Variants in COL5A3 observed in about 807,000 individuals in gnomAD.
COL5A3 encodes the protein collagen alpha-3(V) chain.
Under a neutral mutation model 250.0 loss-of-function variants are expected in COL5A3, and 172 were observed. The ratio of observed to expected loss-of-function variants is 0.69; its 90% confidence interval spans 0.61 to 0.78. The LOEUF (loss-of-function observed/expected upper bound fraction) is 0.78. Ranked by LOEUF, COL5A3 falls within the 30% of genes least tolerant of loss-of-function variation. The probability of loss-of-function intolerance (pLI) is 0.00; values close to 1 mark genes in which losing one functional copy is unlikely to be tolerated. For synonymous variants in COL5A3, 937 were observed against 900.4 expected (o/e 1.04, Z -0.73); for missense variants, 2,340 against 2,334.4 (o/e 1.00, Z -0.05).
At chr19:9,988,849 A>AG (rs1555738964) in intron 27 of COL5A3, among the ~76,000 whole-genome samples, 1 of 74,594 alleles carries the variant, frequency 1.3e-5, no homozygotes, top group African/African-American at 7.3e-5. Context: ...AAAAAAAAAA[A>AG]AAAAAAAAAG....
Position 9,969,602 on chromosome 19 carries a change from C to T in COL5A3, c.4071G>A (p.Glu1357=), listed in dbSNP as rs1446862713. The T allele has an allele frequency of 1.2e-6, 2 of 1,607,994 alleles. No individual in the cohort carries two copies. The highest frequency in any genetic ancestry group is 1.7e-6 in the Non-Finnish European group (2 of 1,178,356). The stretch of plus-strand genomic sequence containing the variant: ...CAGGGCCAGGGATCCCTCGAAGACC[C>T]TCAGGCCCCACACGTCCAGGGGGCC... ...ARGPPGRVGP[E]GLRGIPGPVG... The change falls in exon 56 of 67, where the codon GAG becomes GAA. Residue 1357 remains glutamate, a synonymous_variant. Transcript: ENST00000264828.
chr19:9,973,706 G>A (rs2086883626), intron 49 of COL5A3, 50 bp downstream of exon 49: 1 of 1,613,044 alleles, frequency 6.2e-7, no homozygotes, highest in Middle Eastern at 1.6e-4. Flanking sequence ...TGCCCAATAG[G>A]ACTAGATTTA....
chr19:9,975,133 G>T (rs540110001), intron 45 of COL5A3, among the ~76,000 whole-genome samples: 1 of 151,512 alleles, frequency 6.6e-6, no homozygotes, highest in African/African-American at 2.4e-5. Context: ...GGAGTGCAGT[G>T]GTGCTATCTT....
chr19:9,985,887 A>C lies in COL5A3; in HGVS notation c.2361T>G (p.Leu787=). Residue 787 remains leucine, a synonymous_variant, in exon 31 of 67, where the codon CTT becomes CTG. Coordinates refer to ENST00000264828, the MANE Select transcript of COL5A3 (RefSeq NM_015719.4). ...PPGSAGEKGK[L]GVPGLPGYPG... is the part of the protein sequence containing the mutation. ...GATAACCTGGGAGGCCTGGCACCCC[A>C]AGCTTGCCCTGCAGAAAGGTTATGG... 1 of 1,613,936 alleles carries C rather than the reference A, an allele frequency of 6.2e-7. No individual in the cohort carries two copies. The highest frequency in any genetic ancestry group is 1.3e-5 in the African/African-American group (1 of 74,994).
In COL5A3 at chr19:10,005,541, C is replaced by T; in HGVS notation, c.594+17G>A. The T allele has an allele frequency of 6.2e-7, 1 of 1,613,028 alleles. No homozygotes were observed. Among genetic ancestry groups the T allele is most frequent in the Non-Finnish European group, 8.5e-7 (1 of 1,179,016 alleles). On this transcript the variant is annotated intron_variant, in intron 4 of 66. Transcript: ENST00000264828. ...TCCCACCCTCTGCCTCAGTTTCCCC[C>T]ATCACTGAACTCCTACCTCGAAAGT...
chr19:9,967,468 AACACACACACACACTCAC>A lies in COL5A3; in HGVS notation c.4405-86_4405-69del, dbSNP rs1396141147. The A allele has an allele frequency of 4.0e-6, 4 of 997,966 alleles. No individual in the cohort carries two copies. In the East Asian group the frequency reaches 1.3e-4, roughly 33 times the overall value. 61.8% of individuals were successfully genotyped at this position (997,966 alleles called of 1,614,324 possible). A position where few individuals can be genotyped will look rare whatever the true frequency, so the allele number is the denominator to read the frequency against. ...GACCCTTCCCACCAACATACACACA[AACACACACACACACTCAC>A]ACACACACTCACACACACACAGTCT... On this transcript the variant is annotated intron_variant, in intron 61 of 66. Coordinates refer to ENST00000264828, the MANE Select transcript of COL5A3 (RefSeq NM_015719.4).
intron 8 of COL5A3, among the ~76,000 whole-genome samples, chr19:9,998,621 G>A (rs188080874): frequency 8.5e-5 from 13 of 152,058 alleles, no homozygotes; most frequent in Admixed American, 7.2e-4. Flanking sequence ...GTGTCTATGC[G>A]CCTCCCCTGT....
intron 54 of COL5A3, among the ~76,000 whole-genome samples, chr19:9,970,348 T>A (rs1398062940): frequency 1.7e-3 from 81 of 47,668 alleles, no homozygotes; most frequent in African/African-American, 2.2e-3. Context: ...GTGAGTGTGT[T>A]CTGTGGCTGA....
chr19:10,003,757 A>T, intron 5 of COL5A3, 43 bp from the exon 6 acceptor site: 1 of 1,609,630 alleles, frequency 6.2e-7, no homozygotes, highest in Non-Finnish European at 8.5e-7. Flanking sequence ...TCCCACCAGC[A>T]GAGACCCCAT....
intron 31 of COL5A3, among the ~76,000 whole-genome samples, chr19:9,985,542 G>A (rs1161536951): frequency 6.6e-6 from 1 of 152,080 alleles, no homozygotes; most frequent in African/African-American, 2.4e-5. Flanking sequence ...TTACAGCCAT[G>A]AGCCACTGCG....
chr19:9,967,422 A>G, intron 61 of COL5A3, 22 bp from the exon 62 acceptor site: 1 of 1,498,216 alleles, frequency 6.7e-7, no homozygotes, highest in East Asian at 2.7e-5. Context: ...AGTCACTTGG[A>G]GAATGAACCC....
At position 10,009,161 on chromosome 19, in the gene COL5A3, G is replaced by GGTGTGTGTGT. The variant is rs4044577; in HGVS notation, c.88+1127_88+1136dup. Among the ~76,000 whole-genome samples, 30 of 140,434 alleles carry GGTGTGTGTGT rather than the reference G, an allele frequency of 2.1e-4. No homozygotes were observed. Among genetic ancestry groups the GGTGTGTGTGT allele is most frequent in the East Asian group, 8.5e-4 (4 of 4,730 alleles). The allele number at this position is 140,434 out of a possible 152,430, so 92.1% of individuals were successfully genotyped here. A position where few individuals can be genotyped will look rare whatever the true frequency, so the allele number is the denominator to read the frequency against. On this transcript the variant is annotated intron_variant, in intron 1 of 66. Transcript: ENST00000264828. This position sits in a 1 kb window ranked among gnomAD's most constrained non-coding sequence, Gnocchi z 4.4. ...GACTCCAAAGTAAGAAGTGTGCTGT[G>GGTGTGTGTGT]GTGTGTGTGTGTGTGTGTGTGTGTG...
In COL5A3 at chr19:10,005,801, A is replaced by G. The variant is rs747133676; in HGVS notation, c.432T>C (p.Asp144=). The G allele has an allele frequency of 4.3e-6, 7 of 1,610,038 alleles. No homozygotes were observed. Among genetic ancestry groups the G allele is most frequent in the Admixed American group, 1.7e-5 (1 of 59,740 alleles). The change falls in exon 3 of 67, where the codon GAT becomes GAC. Residue 144 remains aspartate (D), a synonymous_variant. Transcript: ENST00000264828. ...RPLPQQVNLT[D]GRWHRVAVSI... Reference sequence around the variant, plus strand: ...CCCACTCTCCCCATGCTCACCTGCCATCTGTGAGGTTGACCTGCTGGGGGA... The same window carrying G: ...CCCACTCTCCCCATGCTCACCTGCCGTCTGTGAGGTTGACCTGCTGGGGGA...
chr19:9,966,736 G>T lies in COL5A3; in HGVS notation c.4469C>A (p.Ala1490Asp). ...AGPPGPPGAPAELHGLRRRRR... is the reference protein window; with the variant it reads ...AGPPGPPGAPDELHGLRRRRR... ...GCGCCTGCGCAGCCCATGCAGCTCG[G>T]CAGGGGCACCCTGGGCGTAGGGGAT... Residue 1490 changes from alanine (A) to aspartate (D), a missense_variant, in exon 63 of 67, where the codon GCC becomes GAC. Coordinates refer to ENST00000264828, the MANE Select transcript of COL5A3 (RefSeq NM_015719.4). 6.5e-7 allele frequency: 1 copy of T among 1,535,214 alleles called. No homozygotes were observed. Among genetic ancestry groups the T allele is most frequent in the Non-Finnish European group, 8.7e-7 (1 of 1,146,106 alleles).
chr19:10,005,265 G>A (rs1294050779), intron 4 of COL5A3, among the ~76,000 whole-genome samples: 1 of 151,652 alleles, frequency 6.6e-6, no homozygotes, highest in Admixed American at 6.6e-5. Context: ...GCTGAGAATC[G>A]CTTGAACCCA....
In COL5A3 at chr19:9,968,362, C is replaced by T; in HGVS notation, c.4314+23G>A. The T allele has an allele frequency of 6.7e-7, 1 of 1,500,882 alleles. No homozygotes were observed. The highest frequency in any genetic ancestry group is 9.2e-7 in the Non-Finnish European group (1 of 1,088,950). The allele number at this position is 1,500,882 out of a possible 1,614,324, so 93.0% of individuals were successfully genotyped here. The stretch of plus-strand genomic sequence containing the variant: ...GACCCCCTCCTTCAAATGCATTCTT[C>T]CCGCTCAGGTCAGGACACTCACAGG... On this transcript the variant is annotated intron_variant, in intron 59 of 66. Transcript: ENST00000264828. This position sits in a 1 kb window ranked among gnomAD's most constrained non-coding sequence, Gnocchi z 4.1.
In COL5A3 at chr19:9,969,601, C is replaced by A. The variant is rs2086799932; in HGVS notation, c.4072G>T (p.Gly1358Cys). The change falls in exon 56 of 67, where the codon GGT (glycine) becomes TGT (cysteine). Residue 1358 changes from glycine to cysteine, a missense_variant. Physicochemically the swap from Gly to Cys is radical, Grantham distance 159. This residue lies in a region of COL5A3 where 1,179 missense variants were observed against 1,162.6 expected (regional missense o/e 1.01). Coordinates refer to ENST00000264828, the MANE Select transcript of COL5A3 (RefSeq NM_015719.4). ...ACAGGGCCAGGGATCCCTCGAAGAC[C>A]CTCAGGCCCCACACGTCCAGGGGGC... Reference protein sequence around the residue: ...RGPPGRVGPEGLRGIPGPVGE... With the variant: ...RGPPGRVGPECLRGIPGPVGE... 1.2e-6 allele frequency: 2 copies of A among 1,608,096 alleles called. No individual in the cohort carries two copies. The highest frequency in any genetic ancestry group is 1.7e-6 in the Non-Finnish European group (2 of 1,178,370).
intron 51 of COL5A3, among the ~76,000 whole-genome samples, chr19:9,971,641 C>A (rs1271974343): frequency 6.6e-6 from 1 of 152,008 alleles, no homozygotes; most frequent in Non-Finnish European, 1.5e-5. Context: ...CCATTCAAGT[C>A]GAGGTCCCAC....
chr19:9,984,814 A>C (rs2087072368), intron 31 of COL5A3, among the ~76,000 whole-genome samples: 1 of 152,086 alleles, frequency 6.6e-6, no homozygotes, highest in Admixed American at 6.6e-5. Flanking sequence ...TTTTTGAGAC[A>C]GAGTCCCCCT....
Sources: allele counts gnomAD v4.1 joint callset (sites outside exome capture counted in the v4.1 genomes callset), GRCh38; gene constraint gnomAD v4.1.1; regional missense constraint gnomAD v4.1.1; non-coding constraint Gnocchi (gnomAD v3.1); transcripts MANE v1.5; gene names NCBI Gene and HGNC (gene_info 2026-07-23, HGNC 2026-07-21).